GMDS: variants seen among roughly 807,000 people sequenced by gnomAD.
GMDS encodes GDP-mannose 4,6-dehydratase.
Under a neutral mutation model 49.9 loss-of-function variants are expected in GMDS, and 20 were observed. The observed-to-expected ratio is 0.40, with a 90% CI of 0.28 to 0.58. The LOEUF is 0.58. GMDS is among the 20% of genes least tolerant of loss of function. The pLI is 0.42. For missense variants in GMDS, 362 were observed against 481.4 expected, an observed-to-expected ratio of 0.75 and a Z score of 2.32; for synonymous variants, 177 against 178.6, an observed-to-expected ratio of 0.99 and a Z score of 0.07.
chr6:2,151,398 A>C (rs886319758), intron 1 of GMDS, among the ~76,000 whole-genome samples: 4 of 152,132 alleles, frequency 2.6e-5, no homozygotes, highest in Non-Finnish European at 4.4e-5. Flanking sequence ...AAAAATAATT[A>C]TCTCATGTAA....
chr6:2,129,201 A>G (rs993974115), intron 1 of GMDS, among the ~76,000 whole-genome samples: 2 of 152,132 alleles, frequency 1.3e-5, no homozygotes, highest in Non-Finnish European at 2.9e-5. Context: ...AAACACAGAA[A>G]GTTTCTGTGT....
At chr6:2,145,819 G>C (rs1358118719) in intron 1 of GMDS, among the ~76,000 whole-genome samples, 1 of 152,194 alleles carries the variant, frequency 6.6e-6, no homozygotes, top group Non-Finnish European at 1.5e-5. Flanking sequence ...CTTGGGCCCA[G>C]AGTTCAGGAC....
At chr6:2,134,992 G>A (rs930754976) in intron 1 of GMDS, among the ~76,000 whole-genome samples, 10 of 151,840 alleles carry the variant, frequency 6.6e-5, no homozygotes, top group African/African-American at 2.2e-4. Context: ...TCATTTTTCC[G>A]GATCAGAAAA....
At chr6:2,144,856 T>C (rs1156919500) in intron 1 of GMDS, among the ~76,000 whole-genome samples, 1 of 152,048 alleles carries the variant, frequency 6.6e-6, no homozygotes, top group African/African-American at 2.4e-5. Flanking sequence ...GGAGACACAA[T>C]GAAGGCCTCT....
chr6:1,725,220 A>G (rs1279293594), intron 9 of GMDS, among the ~76,000 whole-genome samples: 1 of 152,222 alleles, frequency 6.6e-6, no homozygotes, highest in African/African-American at 2.4e-5. Flanking sequence ...ATCTTTAGGT[A>G]TATTTCATAT....
At chr6:2,144,096 T>C (rs138855868) in intron 1 of GMDS, among the ~76,000 whole-genome samples, 1 of 152,352 alleles carries the variant, frequency 6.6e-6, no homozygotes, top group Non-Finnish European at 1.5e-5. Flanking sequence ...CTATGTGCAT[T>C]AGCCTTCTGA....
chr6:2,013,925 C>CATATATATATATATATAAT (rs1767722345), intron 4 of GMDS, among the ~76,000 whole-genome samples: 1 of 125,124 alleles, frequency 8.0e-6, no homozygotes, highest in African/African-American at 3.5e-5. Flanking sequence ...GGATAAAAAC[C>CATATATATATATATATAAT]ATATATATAT....
chr6:2,217,361 A>T (rs1369441512), intron 1 of GMDS, among the ~76,000 whole-genome samples: 1 of 152,188 alleles, frequency 6.6e-6, no homozygotes, highest in Non-Finnish European at 1.5e-5. Flanking sequence ...TATTTTTAAC[A>T]TACTATAATA....
chr6:2,126,360 C>T (rs780945188), intron 1 of GMDS, among the ~76,000 whole-genome samples: 2 of 152,136 alleles, frequency 1.3e-5, no homozygotes, highest in African/African-American at 2.4e-5. Context: ...GGGTTTTCTT[C>T]GGTTTCTTCA....
intron 9 of GMDS, among the ~76,000 whole-genome samples, chr6:1,701,854 A>G (rs1209027085): frequency 6.6e-6 from 1 of 152,234 alleles, no homozygotes; most frequent in Non-Finnish European, 1.5e-5. Context: ...GATGACAGGT[A>G]TGACAATTTT....
chr6:1,914,635 C>T (rs1046059855), intron 7 of GMDS, among the ~76,000 whole-genome samples: 1 of 152,152 alleles, frequency 6.6e-6, no homozygotes, highest in Non-Finnish European at 1.5e-5. Flanking sequence ...CAGGGAAGAT[C>T]CCTGTGCTCC....
chr6:1,788,524 T>C (rs1215809698), intron 7 of GMDS, among the ~76,000 whole-genome samples: 1 of 152,192 alleles, frequency 6.6e-6, no homozygotes, highest in East Asian at 1.9e-4. Context: ...AGGTAGTTTC[T>C]GATATTACAC....
chr6:2,147,961 G>C (rs1776652108), intron 1 of GMDS, among the ~76,000 whole-genome samples: 1 of 151,602 alleles, frequency 6.6e-6, no homozygotes, highest in South Asian at 2.1e-4. Context: ...ACTCACATTT[G>C]AAATACGTTA....
chr6:2,003,471 G>T (rs1766959923), intron 4 of GMDS, among the ~76,000 whole-genome samples: 1 of 152,076 alleles, frequency 6.6e-6, no homozygotes. Flanking sequence ...GCAAGCACTT[G>T]TCATTTATAT....
At chr6:2,073,188 C>T (rs1772116589) in intron 4 of GMDS, among the ~76,000 whole-genome samples, 1 of 152,114 alleles carries the variant, frequency 6.6e-6, no homozygotes, top group African/African-American at 2.4e-5. Context: ...GCTCTGGGCC[C>T]CGGAGAGGCA....
At chr6:2,015,291 T>C (rs1767819800) in intron 4 of GMDS, among the ~76,000 whole-genome samples, 1 of 152,114 alleles carries the variant, frequency 6.6e-6, no homozygotes, top group African/African-American at 2.4e-5. Flanking sequence ...AGACCATGGA[T>C]GGGACCATAA....
intron 4 of GMDS, among the ~76,000 whole-genome samples, chr6:2,010,312 G>A (rs1323584278): frequency 5.9e-5 from 8 of 134,806 alleles, no homozygotes; most frequent in African/African-American, 1.1e-4. Flanking sequence ...GGGTGACATA[G>A]CAAGACTCCA....
At chr6:2,178,934 T>G (rs757884348) in intron 1 of GMDS, among the ~76,000 whole-genome samples, 34 of 152,358 alleles carry the variant, frequency 2.2e-4, no homozygotes, top group Non-Finnish European at 4.4e-4. Flanking sequence ...GAGATGTCAT[T>G]ATCAGAACAG....
chr6:1,707,634 A>G (rs1034191169), intron 9 of GMDS, among the ~76,000 whole-genome samples: 6 of 146,716 alleles, frequency 4.1e-5, no homozygotes, highest in Non-Finnish European at 9.1e-5. Context: ...CCCACCACAC[A>G]CAGGCCTGGG....
Sources: gnomAD v4.1 joint callset for allele counts (sites outside exome capture counted in the v4.1 genomes callset) on GRCh38, gnomAD v4.1.1 for gene constraint, MANE v1.5 for transcripts, NCBI Gene and HGNC (gene_info 2026-07-23, HGNC 2026-07-21) for gene names.